SYNPR: variants seen among roughly 807,000 people sequenced by gnomAD.
SYNPR encodes synaptoporin.
A neutral mutation model predicts 32.9 loss-of-function variants in SYNPR; 23 were observed. The observed-to-expected ratio is 0.70, with a 90% CI of 0.50 to 0.99. The LOEUF is 0.99. SYNPR is among the 50% of genes least tolerant of loss of function. The probability of loss-of-function intolerance (pLI) is 0.00; values close to 1 mark genes in which losing one functional copy is unlikely to be tolerated. For missense variants in SYNPR, 318 were observed against 349.3 expected (o/e 0.91, Z 0.71); for synonymous variants, 146 against 135.9 (o/e 1.07, Z -0.52).
At chr3:63,340,171 T>G (rs2087346580) in intron 2 of SYNPR, among the ~76,000 whole-genome samples, 1 of 152,290 alleles carries the variant, frequency 6.6e-6, no homozygotes, top group Non-Finnish European at 1.5e-5. Flanking sequence ...TGAGTAATAG[T>G]CCATGGCATG....
intron 2 of SYNPR, among the ~76,000 whole-genome samples, chr3:63,328,812 A>T (rs1270717425): frequency 6.6e-6 from 1 of 152,142 alleles, no homozygotes; most frequent in African/African-American, 2.4e-5. Context: ...AAACACGAGT[A>T]TTACAGTGGT....
intron 2 of SYNPR, among the ~76,000 whole-genome samples, chr3:63,257,927 T>C (rs541900708): frequency 3.3e-5 from 5 of 152,070 alleles, no homozygotes; most frequent in African/African-American, 1.2e-4. Flanking sequence ...TCCTAATCTC[T>C]GATAAAAAAC....
At chr3:63,567,463 G>A (rs1031784418) in intron 4 of SYNPR, among the ~76,000 whole-genome samples, 1 of 152,038 alleles carries the variant, frequency 6.6e-6, no homozygotes, top group Admixed American at 6.5e-5. Context: ...CCCCCAAGAT[G>A]GCAAACATCC....
At chr3:63,557,598 T>A (rs938273315) in intron 4 of SYNPR, among the ~76,000 whole-genome samples, 2 of 152,210 alleles carry the variant, frequency 1.3e-5, no homozygotes, top group African/African-American at 4.8e-5. Flanking sequence ...GGTTTACTAT[T>A]TTTTGGCTTT....
intron 2 of SYNPR, among the ~76,000 whole-genome samples, chr3:63,398,976 C>G (rs2088255320): frequency 6.6e-6 from 1 of 152,088 alleles, no homozygotes; most frequent in South Asian, 2.1e-4. Context: ...AGGACAGTTA[C>G]TGAAAAAGTA....
In SYNPR at chr3:63,615,378, A is replaced by G. The variant is rs1700264967; in HGVS notation, c.755A>G (p.Tyr252Cys). Residue 252 changes from tyrosine to cysteine, a missense_variant, in exon 6 of 6, where the codon TAT (tyrosine) becomes TGT (cysteine). By Grantham distance (194) the Tyr-to-Cys change is radical (BLOSUM62 -2). Coordinates refer to ENST00000478300, the MANE Select transcript of SYNPR (RefSeq NM_001130003.2). The part of the protein sequence containing the change: ...YNQGGYNQDS[Y>C]GSSSGYSQQA... ...CAAGGTGGTTACAACCAAGACAGCT[A>G]TGGATCAAGCAGTGGGTACAGTCAG... The G allele has an allele frequency of 2.5e-6, 4 of 1,613,966 alleles. No homozygotes were observed. Among genetic ancestry groups the G allele is most frequent in the Non-Finnish European group, 2.5e-6 (3 of 1,179,868 alleles).
At chr3:63,474,807 T>C (rs531227240) in intron 2 of SYNPR, among the ~76,000 whole-genome samples, 1 of 152,120 alleles carries the variant, frequency 6.6e-6, no homozygotes, top group South Asian at 2.1e-4. Flanking sequence ...GACTCTTGTT[T>C]CTTCCAGGAT....
At chr3:63,447,570 C>T (rs1646975898) in intron 2 of SYNPR, among the ~76,000 whole-genome samples, 1 of 152,072 alleles carries the variant, frequency 6.6e-6, no homozygotes, top group African/African-American at 2.4e-5. Context: ...GAAAATAAGT[C>T]AGTGAATATT....
intron 2 of SYNPR, among the ~76,000 whole-genome samples, chr3:63,294,571 G>A (rs1362002144): frequency 6.6e-6 from 1 of 152,102 alleles, no homozygotes; most frequent in Admixed American, 6.6e-5. Flanking sequence ...CTAGGTCATC[G>A]TACTACTCCA....
intron 3 of SYNPR, among the ~76,000 whole-genome samples, chr3:63,556,227 G>A (rs1203751088): frequency 6.6e-6 from 1 of 152,130 alleles, no homozygotes; most frequent in African/African-American, 2.4e-5. Context: ...TTAAAGAGAG[G>A]AAGCACTGAA....
intron 3 of SYNPR, among the ~76,000 whole-genome samples, chr3:63,546,723 G>T (rs974923720): frequency 1.3e-5 from 2 of 149,808 alleles, no homozygotes; most frequent in African/African-American, 4.9e-5. Context: ...GAAAAAAAAA[G>T]TTCCTCCTAT....
At chr3:63,416,554 C>CA (rs147590910) in intron 2 of SYNPR, among the ~76,000 whole-genome samples, 13,812 of 122,304 alleles carry the variant, frequency 0.11, 884 homozygotes, top group Non-Finnish European at 0.16. Flanking sequence ...AAAAAAAAAC[C>CA]AAAAAAAAAC....
At chr3:63,241,017 T>C (rs953740687) in intron 1 of SYNPR, among the ~76,000 whole-genome samples, 1 of 151,986 alleles carries the variant, frequency 6.6e-6, no homozygotes, top group South Asian at 2.1e-4. Flanking sequence ...ATTTATCTTA[T>C]AGGTAATTCA....
chr3:63,303,859 C>A (rs1197818145), intron 2 of SYNPR, among the ~76,000 whole-genome samples: 4 of 151,984 alleles, frequency 2.6e-5, no homozygotes, highest in Non-Finnish European at 5.9e-5. Context: ...ATTGCCAGTT[C>A]TTCTCCCATA....
In SYNPR at chr3:63,452,912, TA is replaced by T. The variant is rs753008013; in HGVS notation, c.85-27918del. 4.6e-5 allele frequency among the ~76,000 whole-genome samples: 7 copies of T among 152,254 alleles called. No homozygotes were observed. The East Asian group carries it at 9.6e-4, about 21-fold the overall frequency. On this transcript the variant is annotated intron_variant, in intron 2 of 5. Transcript: ENST00000478300. Reference sequence around the variant, plus strand: ...ATGTGTATCTCAATTAGAGCCACAATAATCGTTCTTGAAATAAAATGGAACT... The same window carrying T: ...ATGTGTATCTCAATTAGAGCCACAATATCGTTCTTGAAATAAAATGGAACT...
chr3:63,364,970 T>C (rs1301137585), intron 2 of SYNPR, among the ~76,000 whole-genome samples: 2 of 152,156 alleles, frequency 1.3e-5, no homozygotes, highest in Non-Finnish European at 2.9e-5. Flanking sequence ...CCAAGTTTAA[T>C]AAATGGCATT....
chr3:63,608,078 C>T (rs1317965134), intron 4 of SYNPR, among the ~76,000 whole-genome samples: 1 of 152,068 alleles, frequency 6.6e-6, no homozygotes, highest in African/African-American at 2.4e-5. Flanking sequence ...AACATTTTTA[C>T]AATAGTCAAA....
At chr3:63,559,317 A>G (rs1036932144) in intron 4 of SYNPR, among the ~76,000 whole-genome samples, 2 of 152,110 alleles carry the variant, frequency 1.3e-5, no homozygotes, top group African/African-American at 4.8e-5. Context: ...GACTCAAGCA[A>G]TCTAGCAGCC....
At chr3:63,435,885 T>C (rs144344312) in intron 2 of SYNPR, among the ~76,000 whole-genome samples, 1 of 152,352 alleles carries the variant, frequency 6.6e-6, no homozygotes, top group African/African-American at 2.4e-5. Context: ...TTCACTCATG[T>C]AACAATGTGT....
Sources: gnomAD v4.1 joint callset for allele counts (sites outside exome capture counted in the v4.1 genomes callset) on GRCh38, gnomAD v4.1.1 for gene constraint, MANE v1.5 for transcripts, NCBI Gene and HGNC (gene_info 2026-07-23, HGNC 2026-07-21) for gene names.